Variants in SLC9A1 observed in about 807,000 individuals in gnomAD.
The protein encoded by SLC9A1 is solute carrier family 9 member A1, also known as sodium/hydrogen exchanger 1.
In SLC9A1, 22 loss-of-function variants were observed where a neutral mutation model predicts 67.9. That is an observed-to-expected ratio of 0.32 (90% CI 0.23 to 0.46). SLC9A1 has a LOEUF of 0.46. Among genes scored for constraint, SLC9A1 ranks in the 20% least tolerant of loss-of-function variants. SLC9A1 has a pLI of 1.00. For missense variants in SLC9A1, 686 were observed against 1,094.8 expected, an observed-to-expected ratio of 0.63 and a Z score of 5.27; for synonymous variants, 421 against 471.8, an observed-to-expected ratio of 0.89 and a Z score of 1.40.
chr1:27,103,053 ACAC>A (rs1220976435), intron 6 of SLC9A1, among the ~76,000 whole-genome samples, 167 bp downstream of exon 6: 3 of 152,068 alleles, frequency 2.0e-5, no homozygotes, highest in African/African-American at 7.2e-5. Flanking sequence ...CCAGCTGCTC[ACAC>A]CACACCTTCC....
At chr1:27,131,949 T>A (rs201668762) in intron 1 of SLC9A1, among the ~76,000 whole-genome samples, 9,576 of 24,600 alleles carry the variant, frequency 0.39, 953 homozygotes, top group African/African-American at 0.47. Context: ...AAAAAAAAAA[T>A]ATATATATAT....
rs926433469 is a variant in SLC9A1, at chr1:27,101,418, C to T, written c.2038-143G>A. The T allele has an allele frequency of 9.0e-5, 61 of 677,036 alleles. No individual in the cohort carries two copies. The Admixed American group carries it at 1.3e-3, about 15-fold the overall frequency. 41.9% of individuals were successfully genotyped at this position (677,036 alleles called of 1,614,324 possible). On this transcript the variant is annotated intron_variant, in intron 10 of 11. Coordinates refer to ENST00000263980, the MANE Select transcript of SLC9A1 (RefSeq NM_003047.5). The surrounding 1 kb of genome is among the most constrained non-coding windows in gnomAD (Gnocchi z 4.9). ...CCTTGTGCCTGTGTGGGCACCCGTA[C>T]TGGCCCCTCAGGAGCTCCTAAGGGC...
At chr1:27,142,666 T>A (rs2083459758) in intron 1 of SLC9A1, among the ~76,000 whole-genome samples, 1 of 152,228 alleles carries the variant, frequency 6.6e-6, no homozygotes, top group South Asian at 2.1e-4. Flanking sequence ...CTACTGTGTG[T>A]GAGCTGGGCT....
intron 1 of SLC9A1, among the ~76,000 whole-genome samples, chr1:27,150,448 T>C (rs1309802956): frequency 2.0e-5 from 3 of 152,128 alleles, no homozygotes; most frequent in Admixed American, 2.0e-4. Context: ...TGAGTTACAG[T>C]GAGGCTCTCC....
intron 1 of SLC9A1, among the ~76,000 whole-genome samples, chr1:27,139,825 C>T (rs115160597): frequency 0.017 from 2,579 of 147,910 alleles, 76 homozygotes; most frequent in African/African-American, 0.061. Context: ...AACAGAGTTT[C>T]GCTGTCGCCC....
chr1:27,140,225 C>A (rs2083445781), intron 1 of SLC9A1, among the ~76,000 whole-genome samples: 1 of 152,144 alleles, frequency 6.6e-6, no homozygotes, highest in African/African-American at 2.4e-5. Context: ...CACAGCACAT[C>A]ACAAGTGCCT....
At chr1:27,126,437 G>A (rs1399475658) in intron 1 of SLC9A1, among the ~76,000 whole-genome samples, 5 of 151,640 alleles carry the variant, frequency 3.3e-5, no homozygotes, top group South Asian at 2.1e-4. Context: ...AGATGTTGTC[G>A]GGGGGGTCAC....
Position 27,098,983 on chromosome 1 carries a change from C to T in SLC9A1, c.*1324G>A, listed in dbSNP as rs1181225357. ...TGGAGAGGAGGATGGACAGATGGGC[C>T]GAGGACCCATGGCCCAGTCCCCTGC... On this transcript the variant is annotated 3_prime_UTR_variant, in exon 12 of 12. Transcript: ENST00000263980. 1 of 152,614 alleles carries T rather than the reference C, an allele frequency of 6.6e-6. No homozygotes were observed. 9.5% of individuals were successfully genotyped at this position (152,614 alleles called of 1,614,324 possible).
rs2083145216 is a variant in SLC9A1, at chr1:27,101,608, T to C, written c.2037+117A>G. ...ATGGCTCTCCATGCCCTTACACTGC[T>C]AAAAGCCCCTCGAAAGCCAAACCCT... is the stretch of plus-strand genomic sequence containing the variant. On this transcript the variant is annotated intron_variant, in intron 10 of 11. Coordinates refer to ENST00000263980, the MANE Select transcript of SLC9A1 (RefSeq NM_003047.5). The surrounding 1 kb of genome is among the most constrained non-coding windows in gnomAD (Gnocchi z 4.9). The C allele has an allele frequency of 6.7e-6, 5 of 750,268 alleles. No individual in the cohort carries two copies. The highest frequency in any genetic ancestry group is 3.4e-5 in the African/African-American group (2 of 58,294). 46.5% of individuals were successfully genotyped at this position (750,268 alleles called of 1,614,324 possible).
rs1237453756 is a variant in SLC9A1, at chr1:27,109,509, TG to T, written c.1064+17del. ...CCCCCACCCCGCCAAGCCCACTGCC[TG>T]CTGCACGCAGACTCACGCCATGATG... On this transcript the variant is annotated intron_variant, in intron 3 of 11. Transcript: ENST00000263980. This position sits in a 1 kb window ranked among gnomAD's most constrained non-coding sequence, Gnocchi z 5.5. 1 of 1,490,430 alleles carries T rather than the reference TG, an allele frequency of 6.7e-7. No individual in the cohort carries two copies. The highest frequency in any genetic ancestry group is 1.4e-5 in the African/African-American group (1 of 70,246). 92.3% of individuals were successfully genotyped at this position (1,490,430 alleles called of 1,614,324 possible). A position where few individuals can be genotyped will look rare whatever the true frequency, so the allele number is the denominator to read the frequency against.
rs79089499 is a variant in SLC9A1, at chr1:27,139,109, T to G, written c.352+14874A>C. ...ATCCAGCCCCGCCCACCTACTGTCTTATTTCTCACTGACTCCTCACCCAGA... is the reference window on the plus strand; with the variant it reads ...ATCCAGCCCCGCCCACCTACTGTCTGATTTCTCACTGACTCCTCACCCAGA... On this transcript the variant is annotated intron_variant, in intron 1 of 11. Coordinates refer to ENST00000263980, the MANE Select transcript of SLC9A1 (RefSeq NM_003047.5). Among the ~76,000 whole-genome samples, 257 of 152,224 alleles carry G rather than the reference T, an allele frequency of 1.7e-3. 5 individuals carry two copies. The highest frequency in any genetic ancestry group is 5.7e-3 in the African/African-American group (236 of 41,484).
At position 27,114,562 on chromosome 1, in the gene SLC9A1, TA is replaced by T. The variant is rs1482656539; in HGVS notation, c.353-277del. On this transcript the variant is annotated intron_variant, in intron 1 of 11. Transcript: ENST00000263980. This position sits in a 1 kb window ranked among gnomAD's most constrained non-coding sequence, Gnocchi z 5.4. ...ATACATGCTATCTCTGTCACTGTCA[TA>T]AAATGTTAGAAAGCAGCAGTTCTAT... 6.6e-6 allele frequency among the ~76,000 whole-genome samples: 1 copy of T among 152,182 alleles called. No individual in the cohort carries two copies. The highest frequency in any genetic ancestry group is 1.5e-5 in the Non-Finnish European group (1 of 68,026).
intron 1 of SLC9A1, among the ~76,000 whole-genome samples, chr1:27,132,958 A>G (rs1453840617): frequency 3.3e-5 from 5 of 152,064 alleles, no homozygotes; most frequent in African/African-American, 9.7e-5. Flanking sequence ...GGAGAGTGGG[A>G]CCCACCTGGC....
At chr1:27,120,646 G>A (rs1052562093) in intron 1 of SLC9A1, among the ~76,000 whole-genome samples, 2 of 151,872 alleles carry the variant, frequency 1.3e-5, no homozygotes, top group Admixed American at 1.3e-4. Context: ...GCTGAGGCAG[G>A]AGAATCACTT....
chr1:27,143,116 A>G (rs1195052377), intron 1 of SLC9A1, among the ~76,000 whole-genome samples: 1 of 151,696 alleles, frequency 6.6e-6, no homozygotes, highest in Non-Finnish European at 1.5e-5. Context: ...TCACATATAT[A>G]CAACTGTCTG....
chr1:27,102,864 T>C (rs1183274864), intron 6 of SLC9A1, 121 bp from the exon 7 acceptor site: 12 of 896,622 alleles, frequency 1.3e-5, no homozygotes, highest in Non-Finnish European at 1.9e-5. Flanking sequence ...TGTGGTTCCA[T>C]GAGCAGCCAG....
intron 1 of SLC9A1, among the ~76,000 whole-genome samples, chr1:27,152,577 T>G (rs144754966): frequency 2.6e-5 from 4 of 152,188 alleles, no homozygotes; most frequent in African/African-American, 9.7e-5. Flanking sequence ...TTCAAGGTCA[T>G]GCATTTATGT....
intron 1 of SLC9A1, among the ~76,000 whole-genome samples, chr1:27,139,099 CCT>C (rs1294697430): frequency 6.6e-6 from 1 of 152,136 alleles, no homozygotes; most frequent in African/African-American, 2.4e-5. Flanking sequence ...GCCCCGCCCA[CCT>C]ACTGTCTTAT....
rs761354213 is a variant in SLC9A1 at position 27,109,492 on chromosome 1, C to T, written c.1064+35G>A. ...CAAGCTGGCAGCCCCCGCCCCCACC[C>T]CGCCAAGCCCACTGCCTGCTGCACG... is the stretch of plus-strand genomic sequence containing the variant. On this transcript the variant is annotated intron_variant, in intron 3 of 11. Coordinates refer to ENST00000263980, the MANE Select transcript of SLC9A1 (RefSeq NM_003047.5). This position sits in a 1 kb window ranked among gnomAD's most constrained non-coding sequence, Gnocchi z 5.5. 1.9e-6 allele frequency: 3 copies of T among 1,605,350 alleles called. No homozygotes were observed. The highest frequency in any genetic ancestry group is 1.3e-5 in the African/African-American group (1 of 74,934).
Sources: gnomAD v4.1 joint callset for allele counts (sites outside exome capture counted in the v4.1 genomes callset) on GRCh38, gnomAD v4.1.1 for gene constraint, Gnocchi (gnomAD v3.1) non-coding constraint, MANE v1.5 for transcripts, NCBI Gene and HGNC (gene_info 2026-07-23, HGNC 2026-07-21) for gene names.